DGKI: variants seen among roughly 807,000 people sequenced by gnomAD.
The protein encoded by DGKI is diacylglycerol kinase iota.
DGKI carries 55 observed loss-of-function variants against 147.5 expected under a neutral mutation model. That is an observed-to-expected ratio of 0.37 (90% confidence interval 0.30 to 0.47). DGKI has a LOEUF of 0.47. Among genes scored for constraint, DGKI ranks in the 20% least tolerant of loss-of-function variants. The pLI is 1.00. For synonymous variants in DGKI, 469 were observed against 477.1 expected (o/e 0.98, Z 0.22); for missense variants, 1,007 against 1,323.8 (o/e 0.76, Z 3.71).
intron 1 of DGKI, among the ~76,000 whole-genome samples, chr7:137,801,459 C>A (rs1797204855): frequency 6.6e-6 from 1 of 152,196 alleles, no homozygotes; most frequent in Admixed American, 6.5e-5. Flanking sequence ...AGCATTAGTT[C>A]ATTAGATGTA....
chr7:137,737,662 C>T (rs186394657), intron 1 of DGKI, among the ~76,000 whole-genome samples: 45 of 152,248 alleles, frequency 3.0e-4, no homozygotes, highest in African/African-American at 1.1e-3. Context: ...TATTTAGATA[C>T]TGTATTTTGA....
chr7:137,706,755 G>C (rs1794043177), intron 1 of DGKI, among the ~76,000 whole-genome samples: 1 of 151,708 alleles, frequency 6.6e-6, no homozygotes, highest in Non-Finnish European at 1.5e-5. Flanking sequence ...TGTATTTTTA[G>C]TAGAGACGGG....
At chr7:137,531,223 G>A (rs191307152) in intron 20 of DGKI, among the ~76,000 whole-genome samples, 206 of 152,234 alleles carry the variant, frequency 1.4e-3, no homozygotes, top group Non-Finnish European at 2.4e-3. Context: ...CAACTGTTGA[G>A]ATGAAGAAAA....
chr7:137,496,746 T>C (rs1815980758), intron 21 of DGKI, among the ~76,000 whole-genome samples: 1 of 152,134 alleles, frequency 6.6e-6, no homozygotes, highest in Non-Finnish European at 1.5e-5. Context: ...CGACTAGTCA[T>C]ATGCAGAGAC....
intron 1 of DGKI, among the ~76,000 whole-genome samples, chr7:137,708,588 G>A (rs2116552144): frequency 6.6e-6 from 1 of 152,310 alleles, no homozygotes; most frequent in African/African-American, 2.4e-5. Context: ...CAGACTTTTA[G>A]ACATTCAATA....
chr7:137,521,569 G>C (rs946751384), intron 21 of DGKI, among the ~76,000 whole-genome samples: 1 of 152,006 alleles, frequency 6.6e-6, no homozygotes, highest in Non-Finnish European at 1.5e-5. Context: ...TTGGTATCAC[G>C]AACTTTTTGC....
chr7:137,722,996 G>C (rs1269541272), intron 1 of DGKI: 1 of 553,114 alleles, frequency 1.8e-6, no homozygotes, highest in Non-Finnish European at 3.2e-6. Context: ...CTACTTCTCT[G>C]TGCCTTATTT....
chr7:137,501,499 G>A (rs1326794607), intron 21 of DGKI, among the ~76,000 whole-genome samples: 1 of 152,108 alleles, frequency 6.6e-6, no homozygotes, highest in Non-Finnish European at 1.5e-5. Context: ...ACAGTGTAGA[G>A]TTTTAAGAAA....
At position 137,427,832 on chromosome 7, in the gene DGKI, C is replaced by T. The variant is rs190930701; in HGVS notation, c.2762-15625G>A. Reference sequence around the variant, plus strand: ...TGGACAAATTCCTCGACACATACACCCTCCCAAGACTAAACCAGGAAGAAG... The same window carrying T: ...TGGACAAATTCCTCGACACATACACTCTCCCAAGACTAAACCAGGAAGAAG... On this transcript the variant is annotated intron_variant, in intron 28 of 32. Coordinates refer to ENST00000614521, the MANE Select transcript of DGKI (RefSeq NM_001321708.2). Among the ~76,000 whole-genome samples, 926 of 152,210 alleles carry T rather than the reference C, an allele frequency of 6.1e-3. 10 individuals are homozygous for T. The highest frequency in any genetic ancestry group is 0.021 in the African/African-American group (856 of 41,516).
At chr7:137,553,688 C>CATGGT (rs1563082174) in intron 19 of DGKI, among the ~76,000 whole-genome samples, 2 of 152,012 alleles carry the variant, frequency 1.3e-5, no homozygotes, top group Non-Finnish European at 2.9e-5. Context: ...CACATGTGAA[C>CATGGT]CTCCATCGAG....
intron 19 of DGKI, among the ~76,000 whole-genome samples, chr7:137,560,612 T>C (rs1293907374): frequency 6.6e-6 from 1 of 152,032 alleles, no homozygotes; most frequent in Non-Finnish European, 1.5e-5. Flanking sequence ...TAAACTAAGG[T>C]TGTTGAGATA....
At chr7:137,757,428 G>GT in intron 1 of DGKI, among the ~76,000 whole-genome samples, 1 of 152,090 alleles carries the variant, frequency 6.6e-6, no homozygotes, top group East Asian at 1.9e-4. Context: ...CTTAACCGTT[G>GT]GTGTCAGCTG....
chr7:137,546,201 G>A (rs78220654), intron 20 of DGKI, among the ~76,000 whole-genome samples: 3,365 of 152,276 alleles, frequency 0.022, 142 homozygotes, highest in East Asian at 0.11. Context: ...TTCTAGGCAA[G>A]TCACAGACCG....
At chr7:137,559,990 C>T (rs1170301007) in intron 19 of DGKI, among the ~76,000 whole-genome samples, 1 of 151,962 alleles carries the variant, frequency 6.6e-6, no homozygotes, top group East Asian at 1.9e-4. Context: ...AGAATTCGTC[C>T]CTTATATAAG....
chr7:137,429,081 G>A (rs1181673608), intron 28 of DGKI, among the ~76,000 whole-genome samples: 1 of 151,752 alleles, frequency 6.6e-6, no homozygotes, highest in Non-Finnish European at 1.5e-5. Context: ...CCAAAAAAGA[G>A]CCCACATCAC....
chr7:137,602,956 C>A (rs1432901528), intron 10 of DGKI, among the ~76,000 whole-genome samples: 1 of 150,992 alleles, frequency 6.6e-6, no homozygotes, highest in Non-Finnish European at 1.5e-5. Flanking sequence ...ATATACCTCA[C>A]TGGCCACAGA....
At chr7:137,581,562 A>C (rs1819192843) in intron 15 of DGKI, among the ~76,000 whole-genome samples, 1 of 152,124 alleles carries the variant, frequency 6.6e-6, no homozygotes, top group Non-Finnish European at 1.5e-5. Context: ...GAACATAAAG[A>C]TTAACAATCC....
intron 1 of DGKI, among the ~76,000 whole-genome samples, chr7:137,724,053 C>A (rs920226630): frequency 4.8e-5 from 7 of 145,220 alleles, no homozygotes; most frequent in Non-Finnish European, 1.0e-4. Flanking sequence ...CTGAGCAGAC[C>A]CCTACATTAG....
intron 18 of DGKI, among the ~76,000 whole-genome samples, chr7:137,572,253 T>C (rs957848480): frequency 2.6e-5 from 4 of 152,244 alleles, no homozygotes; most frequent in Admixed American, 2.0e-4. Flanking sequence ...ATCTTAAATA[T>C]CCCTTTCTCC....
Sources: gnomAD v4.1 joint callset for allele counts (sites outside exome capture counted in the v4.1 genomes callset) on GRCh38, gnomAD v4.1.1 for gene constraint, MANE v1.5 for transcripts, NCBI Gene and HGNC (gene_info 2026-07-23, HGNC 2026-07-21) for gene names.